Variants in PRDM5 observed in about 807,000 individuals in gnomAD.
PRDM5 encodes PR domain zinc finger protein 5.
In PRDM5, 56 loss-of-function variants were observed where a neutral mutation model predicts 81.2. That is an observed-to-expected ratio of 0.69 (90% CI 0.56 to 0.86). PRDM5 has a LOEUF of 0.86. Among genes scored for constraint, PRDM5 ranks in the 40% least tolerant of loss-of-function variants. The pLI is 0.00. For synonymous variants in PRDM5, 267 were observed against 256.4 expected, an observed-to-expected ratio of 1.04 and a Z score of -0.39; for missense variants, 697 against 770.1, an observed-to-expected ratio of 0.91 and a Z score of 1.12.
At chr4:120,744,828 T>G (rs1201871851) in intron 14 of PRDM5, among the ~76,000 whole-genome samples, 1 of 147,196 alleles carries the variant, frequency 6.8e-6, no homozygotes, top group Non-Finnish European at 1.5e-5. Flanking sequence ...CCAGATGGAT[T>G]CACAGCCGAA....
At chr4:120,819,463 A>G (rs1439158731) in intron 4 of PRDM5, among the ~76,000 whole-genome samples, 1 of 152,034 alleles carries the variant, frequency 6.6e-6, no homozygotes, top group Admixed American at 6.6e-5. Flanking sequence ...TGGCACATGT[A>G]TACATATGTA....
intron 7 of PRDM5, among the ~76,000 whole-genome samples, chr4:120,815,571 C>A (rs1391169543): frequency 2.0e-5 from 3 of 152,176 alleles, no homozygotes; most frequent in Non-Finnish European, 4.4e-5. Flanking sequence ...ATGCTGGGTG[C>A]AGATTATCAT....
At chr4:120,847,814 G>C (rs1312162298) in intron 3 of PRDM5, among the ~76,000 whole-genome samples, 3 of 150,766 alleles carry the variant, frequency 2.0e-5, no homozygotes, top group African/African-American at 7.3e-5. Flanking sequence ...TCAAAGATAA[G>C]GTTATAAAAG....
chr4:120,791,604 A>G (rs1275352003), intron 10 of PRDM5, among the ~76,000 whole-genome samples: 1 of 152,208 alleles, frequency 6.6e-6, no homozygotes, highest in Non-Finnish European at 1.5e-5. Flanking sequence ...CAGCCTCAGG[A>G]CACTGAGTGA....
intron 14 of PRDM5, among the ~76,000 whole-genome samples, chr4:120,747,906 A>G (rs1374982661): frequency 2.0e-5 from 3 of 152,220 alleles, no homozygotes; most frequent in South Asian, 2.1e-4. Flanking sequence ...ATAACTTTCT[A>G]ATTGGCCCAG....
chr4:120,688,728 C>A (rs764184642), downstream of PRDM5, among the ~76,000 whole-genome samples: 7 of 152,106 alleles, frequency 4.6e-5, no homozygotes, highest in Non-Finnish European at 8.8e-5. Context: ...AAGAGACTAT[C>A]TTTTCCCACT....
intron 3 of PRDM5, among the ~76,000 whole-genome samples, chr4:120,831,498 T>G (rs542648898): frequency 6.6e-6 from 1 of 152,202 alleles, no homozygotes; most frequent in South Asian, 2.1e-4. Context: ...TCAAATAAAA[T>G]AAAGACAGCT....
chr4:120,748,370 G>A (rs1001000952), intron 14 of PRDM5, among the ~76,000 whole-genome samples: 1 of 152,172 alleles, frequency 6.6e-6, no homozygotes, highest in African/African-American at 2.4e-5. Flanking sequence ...TTGGCCAGGT[G>A]TGGTATTTCT....
chr4:120,867,004 C>T lies in PRDM5; in HGVS notation c.178-13464G>A, dbSNP rs78950290. Among the ~76,000 whole-genome samples the T allele has an allele frequency of 2.6e-3, 391 of 152,202 alleles. 1 individual carries two copies. The highest frequency in any genetic ancestry group is 9.0e-3 in the African/African-American group (375 of 41,518). ...CATATTGCTGAGATTGAGGGGCTCA[C>T]AGGGTGGCCTGAGAGGGGCCATTCG... On this transcript the variant is annotated intron_variant, in intron 2 of 15. Transcript: ENST00000264808.
At chr4:120,732,122 A>G (rs193241925) in intron 14 of PRDM5, among the ~76,000 whole-genome samples, 34 of 152,280 alleles carry the variant, frequency 2.2e-4, no homozygotes, top group South Asian at 4.1e-4. Context: ...TGCAGTCTTT[A>G]CCATATGGAG....
chr4:120,884,082 C>T (rs1763141951), intron 2 of PRDM5, among the ~76,000 whole-genome samples: 1 of 152,138 alleles, frequency 6.6e-6, no homozygotes, highest in African/African-American at 2.4e-5. Context: ...CAAATCTCTT[C>T]ATGACCACAT....
intron 1 of PRDM5, among the ~76,000 whole-genome samples, chr4:120,913,972 C>G (rs1766796634): frequency 6.6e-6 from 1 of 152,184 alleles, no homozygotes; most frequent in African/African-American, 2.4e-5. Context: ...CTACCACCTG[C>G]AGGACTGACG....
chr4:120,889,342 T>C (rs343172), intron 2 of PRDM5, among the ~76,000 whole-genome samples: 17,546 of 152,180 alleles, frequency 0.12, 2,026 homozygotes, highest in African/African-American at 0.3. Flanking sequence ...CACTATATCA[T>C]TAATGTTATT....
intron 12 of PRDM5, among the ~76,000 whole-genome samples, chr4:120,779,883 C>G (rs1042556536): frequency 4.6e-5 from 7 of 151,958 alleles, no homozygotes; most frequent in Non-Finnish European, 1.0e-4. Context: ...GCACTCCAGC[C>G]TGGGTGACAG....
Position 120,727,774 on chromosome 4 carries a change from A to G in PRDM5, c.1624-17361T>C, listed in dbSNP as rs575880096. Reference sequence around the variant, plus strand: ...AACACGGTGAAACCCCGACTGTACTAAAAATACAAAAAAATTAGCTGGACA... The same window carrying G: ...AACACGGTGAAACCCCGACTGTACTGAAAATACAAAAAAATTAGCTGGACA... On this transcript the variant is annotated intron_variant, in intron 14 of 15. Coordinates refer to ENST00000264808, the MANE Select transcript of PRDM5 (RefSeq NM_018699.4). Among the ~76,000 whole-genome samples the G allele has an allele frequency of 2.6e-5, 4 of 152,050 alleles. No homozygotes were observed. In the South Asian group the frequency reaches 8.3e-4, roughly 32 times the overall value.
At chr4:120,714,671 G>A (rs576038897) in intron 14 of PRDM5, among the ~76,000 whole-genome samples, 21 of 152,178 alleles carry the variant, frequency 1.4e-4, no homozygotes, top group Middle Eastern at 3.4e-3. Context: ...TCTCCTGCTC[G>A]TGGCTTTTGT....
chr4:120,873,406 GATAGAA>G (rs1762037517), intron 2 of PRDM5, among the ~76,000 whole-genome samples: 1 of 152,166 alleles, frequency 6.6e-6, no homozygotes, highest in Non-Finnish European at 1.5e-5. Flanking sequence ...ATGAGTCTTT[GATAGAA>G]ATAATTGAAC....
At chr4:120,909,639 T>A in intron 1 of PRDM5, among the ~76,000 whole-genome samples, 1 of 147,430 alleles carries the variant, frequency 6.8e-6, no homozygotes. Flanking sequence ...AAAAAGTGAA[T>A]CTATCAATTC....
At chr4:120,851,048 A>C (rs1284217221) in intron 3 of PRDM5, among the ~76,000 whole-genome samples, 3 of 152,188 alleles carry the variant, frequency 2.0e-5, no homozygotes, top group Non-Finnish European at 4.4e-5. Context: ...GGGAACTCCT[A>C]AACAAGTATT....
Sources: allele counts gnomAD v4.1 joint callset (sites outside exome capture counted in the v4.1 genomes callset), GRCh38; gene constraint gnomAD v4.1.1; transcripts MANE v1.5; gene names NCBI Gene and HGNC (gene_info 2026-07-23, HGNC 2026-07-21).